CDKN2A: variants seen among roughly 807,000 people sequenced by gnomAD.
CDKN2A encodes cyclin dependent kinase inhibitor 2A.
Under a neutral mutation model 11.1 loss-of-function variants are expected in CDKN2A, and 3 were observed. The ratio of observed to expected loss-of-function variants is 0.27; its 90% CI spans 0.12 to 0.70. The LOEUF is 0.70. Ranked by LOEUF, CDKN2A falls within the 30% of genes least tolerant of loss-of-function variation. The probability of loss-of-function intolerance (pLI) is 0.77; values close to 1 mark genes in which losing one functional copy is unlikely to be tolerated. For missense variants in CDKN2A, 265 were observed against 233.6 expected, an observed-to-expected ratio of 1.13 and a Z score of -0.88; for synonymous variants, 122 against 108.1, an observed-to-expected ratio of 1.13 and a Z score of -0.80.
Position 21,968,735 on chromosome 9 carries a change from C to T in CDKN2A, c.458-493G>A, listed in dbSNP as rs1377448225. 2 of 1,536,160 alleles carry T rather than the reference C, an allele frequency of 1.3e-6. No individual in the cohort carries two copies. The highest frequency in any genetic ancestry group is 1.7e-6 in the Non-Finnish European group (2 of 1,146,912). ...AATCCCGTAGCTTCCCTACGCATGC[C>T]TGCTTCTACAAACCCACAAATGGTT... is the stretch of plus-strand genomic sequence containing the variant. On this transcript the variant is annotated intron_variant, in intron 2 of 2. Coordinates refer to ENST00000304494, the MANE Select transcript of CDKN2A (RefSeq NM_000077.5). The surrounding 1 kb of genome is among the most constrained non-coding windows in gnomAD (Gnocchi z 4.7).
upstream of CDKN2A, among the ~76,000 whole-genome samples, chr9:21,979,820 C>T: frequency 6.6e-6 from 1 of 152,112 alleles, no homozygotes; most frequent in Non-Finnish European, 1.5e-5. Flanking sequence ...GAGATCATGA[C>T]ACAGTAGGGA....
At chr9:21,989,501 A>C (rs949132327) in intron 2 of CDKN2A, 2 of 152,122 alleles carry the variant, frequency 1.3e-5, no homozygotes, top group African/African-American at 4.8e-5. Flanking sequence ...GCACCCCCAG[A>C]TGGAGAAACT....
chr9:21,994,624 G>T, intron 1 of CDKN2A: 2 of 470,472 alleles, frequency 4.3e-6, no homozygotes, highest in Non-Finnish European at 6.9e-6. Flanking sequence ...AGGCGCGCGC[G>T]CGGGCGGCTC....
chr9:21,985,833 G>T (rs1165635784), intron 2 of CDKN2A, among the ~76,000 whole-genome samples: 2 of 151,864 alleles, frequency 1.3e-5, no homozygotes, highest in Non-Finnish European at 2.9e-5. Flanking sequence ...AACATACCAG[G>T]AGTCTGAATA....
chr9:21,972,015 C>G (rs1448549148), intron 1 of CDKN2A, among the ~76,000 whole-genome samples: 1 of 151,942 alleles, frequency 6.6e-6, no homozygotes. Context: ...CCCATTCCTC[C>G]CACCCCCCAG....
intron 2 of CDKN2A, chr9:21,992,213 C>G (rs1217036277): frequency 1.1e-6 from 1 of 927,686 alleles, no homozygotes; most frequent in Non-Finnish European, 1.3e-6. Flanking sequence ...ACTTGTGCCT[C>G]TCAAGGAATT....
intron 1 of CDKN2A, 33 bp from the exon 2 acceptor site, chr9:21,971,241 G>T: frequency 6.3e-7 from 1 of 1,586,264 alleles, no homozygotes; most frequent in Non-Finnish European, 8.5e-7. Context: ...CAGAGCCAGG[G>T]TGGGGGCCGG....
At chr9:21,985,153 A>G (rs1157700112) in intron 2 of CDKN2A, among the ~76,000 whole-genome samples, 1 of 151,946 alleles carries the variant, frequency 6.6e-6, no homozygotes, top group Non-Finnish European at 1.5e-5. Flanking sequence ...GTAGAGTTTT[A>G]TCTTTTGTGT....
upstream of CDKN2A, among the ~76,000 whole-genome samples, chr9:21,976,070 T>C (rs1349313155): frequency 2.0e-5 from 3 of 152,126 alleles, no homozygotes; most frequent in East Asian, 1.9e-4. Context: ...CAATCTTGTT[T>C]TGAGGCATAG....
At chr9:21,986,002 G>A (rs1046914783) in intron 2 of CDKN2A, among the ~76,000 whole-genome samples, 6 of 151,898 alleles carry the variant, frequency 4.0e-5, no homozygotes, top group Non-Finnish European at 7.4e-5. Flanking sequence ...ACTGACAAAC[G>A]TACACTGTGT....
chr9:21,981,681 A>G (rs959981195), intron 2 of CDKN2A, among the ~76,000 whole-genome samples: 1 of 150,994 alleles, frequency 6.6e-6, no homozygotes, highest in African/African-American at 2.4e-5. Context: ...AAACGGGTAT[A>G]ATCACAAACA....
At chr9:21,987,442 G>C (rs200185550) in intron 2 of CDKN2A, among the ~76,000 whole-genome samples, 91,186 of 124,936 alleles carry the variant, frequency 0.73, 32,544 homozygotes, top group South Asian at 0.8. Context: ...CAGAGAGAGA[G>C]AGAGAGAGAG....
chr9:21,974,792 C>T lies in CDKN2A; in HGVS notation c.36G>A (p.Ser12=), dbSNP rs1313234793. 2 of 1,607,308 alleles carry T rather than the reference C, an allele frequency of 1.2e-6. No individual in the cohort carries two copies. The highest frequency in any genetic ancestry group is 1.7e-6 in the Non-Finnish European group (2 of 1,179,198). ...CCGCGGCCGTGGCCAGCCAGTCAGC[C>T]GAAGGCTCCATGCTGCTCCCCGCCG... is the stretch of plus-strand genomic sequence containing the variant. ...EPAAGSSMEP[S]ADWLATAAAR... The change falls in exon 1 of 3, where the codon TCG becomes TCA. Residue 12 remains serine (S), a synonymous_variant. Coordinates refer to ENST00000304494, the MANE Select transcript of CDKN2A (RefSeq NM_000077.5). The surrounding 1 kb of genome is among the most constrained non-coding windows in gnomAD (Gnocchi z 5.2).
chr9:21,971,305 C>T (rs1819736959), intron 1 of CDKN2A, 97 bp from the exon 2 acceptor site: 3 of 1,534,152 alleles, frequency 2.0e-6, no homozygotes, highest in Non-Finnish European at 2.6e-6. Context: ...CAGACCCCCA[C>T]ACAAGCCCCA....
chr9:21,994,933 A>G (rs1473787999), exon 1 of CDKN2A: 1 of 152,684 alleles, frequency 6.5e-6, no homozygotes, highest in Non-Finnish European at 1.5e-5. Context: ...TTCAAACTAG[A>G]TTATTTAAAA....
intron 2 of CDKN2A, among the ~76,000 whole-genome samples, chr9:21,982,587 T>C (rs1820219141): frequency 6.6e-6 from 1 of 152,098 alleles, no homozygotes; most frequent in Non-Finnish European, 1.5e-5. Flanking sequence ...TGTATGTACA[T>C]ACTATATGCA....
rs1820331951 is a variant in CDKN2A, at chr9:21,987,551, T to A, written c.-4+6331A>T. Among the ~76,000 whole-genome samples, 3 of 152,130 alleles carry A rather than the reference T, an allele frequency of 2.0e-5. No individual in the cohort carries two copies. The South Asian group carries it at 6.2e-4, about 31-fold the overall frequency. On this transcript the variant is annotated intron_variant, in intron 2 of 3. Transcript: ENST00000494262. ...CTTATGTGGAAATTTTCTGTCTGGT[T>A]CTGTAAGCTTTAAAACACAAATATA...
chr9:21,969,257 G>T (rs1250565405), intron 2 of CDKN2A, among the ~76,000 whole-genome samples: 1 of 152,110 alleles, frequency 6.6e-6, no homozygotes, highest in East Asian at 1.9e-4. Context: ...GCGTCGTGGC[G>T]TGCACCTGTG....
intron 2 of CDKN2A, among the ~76,000 whole-genome samples, chr9:21,987,781 C>T (rs564773621): frequency 5.3e-5 from 8 of 152,206 alleles, no homozygotes; most frequent in African/African-American, 1.9e-4. Context: ...ACCTAAAATC[C>T]TGGACCTCAA....
Sources: gnomAD v4.1 joint callset for allele counts (sites outside exome capture counted in the v4.1 genomes callset) on GRCh38, gnomAD v4.1.1 for gene constraint, Gnocchi (gnomAD v3.1) non-coding constraint, MANE v1.5 for transcripts, NCBI Gene and HGNC (gene_info 2026-07-23, HGNC 2026-07-21) for gene names.